Variants in PPARGC1B observed in about 807,000 individuals in gnomAD.
PPARGC1B encodes peroxisome proliferator-activated receptor gamma coactivator 1-beta.
In PPARGC1B, 34 loss-of-function variants were observed where a neutral mutation model predicts 101.6. The ratio of observed to expected loss-of-function variants is 0.33; its 90% CI spans 0.25 to 0.45. The LOEUF is 0.45. Ranked by LOEUF, PPARGC1B falls within the 20% of genes least tolerant of loss-of-function variation. The probability of loss-of-function intolerance (pLI) is 1.00; values close to 1 mark genes in which losing one functional copy is unlikely to be tolerated. For missense variants in PPARGC1B, 1,234 were observed against 1,317.6 expected (o/e 0.94, Z 0.98); for synonymous variants, 548 against 539.3 (o/e 1.02, Z -0.22).
rs141688134 is a variant in PPARGC1B, at chr5:149,773,487, A to G, written c.78+43067A>G. On this transcript the variant is annotated intron_variant, in intron 1 of 11. Coordinates refer to ENST00000309241, the MANE Select transcript of PPARGC1B (RefSeq NM_133263.4). ...GTGGGGCAAGGCAGCGTCTACTCTT[A>G]GGTGTGTCTCAGCCTGGCCCCTGCC... Among the ~76,000 whole-genome samples the G allele has an allele frequency of 1.6e-3, 245 of 152,292 alleles. 1 individual carries two copies. The highest frequency in any genetic ancestry group is 0.01 in the Middle Eastern group (3 of 294).
At chr5:149,786,831 A>G (rs1404787454) in intron 1 of PPARGC1B, among the ~76,000 whole-genome samples, 1 of 152,244 alleles carries the variant, frequency 6.6e-6, no homozygotes, top group Non-Finnish European at 1.5e-5. Flanking sequence ...CAACAGAAGT[A>G]GAATCCTCTC....
intron 1 of PPARGC1B, among the ~76,000 whole-genome samples, chr5:149,772,894 G>A (rs1363588013): frequency 2.0e-5 from 3 of 152,172 alleles, no homozygotes; most frequent in African/African-American, 7.2e-5. Flanking sequence ...ACCTTGTGAA[G>A]ATATTTGTGT....
At chr5:149,828,306 C>T (rs944148336) in intron 3 of PPARGC1B, among the ~76,000 whole-genome samples, 2 of 152,192 alleles carry the variant, frequency 1.3e-5, no homozygotes, top group Admixed American at 6.5e-5. Context: ...AGGTTTGAAT[C>T]CCAGCCCTGC....
intron 10 of PPARGC1B, 43 bp downstream of exon 10, chr5:149,842,420 G>A: frequency 6.3e-7 from 1 of 1,598,932 alleles, no homozygotes; most frequent in South Asian, 1.1e-5. Flanking sequence ...AGCAGAGAGG[G>A]GCACTGGTCC....
At chr5:149,742,083 G>A (rs902890694) in intron 1 of PPARGC1B, among the ~76,000 whole-genome samples, 2 of 152,162 alleles carry the variant, frequency 1.3e-5, no homozygotes, top group Admixed American at 6.5e-5. Flanking sequence ...AAGAGATCAG[G>A]CCCTGTGCCA....
At chr5:149,802,062 C>G (rs185599773) in intron 1 of PPARGC1B, among the ~76,000 whole-genome samples, 3 of 152,300 alleles carry the variant, frequency 2.0e-5, no homozygotes, top group Admixed American at 2.0e-4. Flanking sequence ...GTCCCTGACC[C>G]CCGAGCTCCT....
In PPARGC1B at chr5:149,820,339, G is replaced by A. The variant is rs185723112; in HGVS notation, c.79-94G>A. 1,736 of 1,245,044 alleles carry A rather than the reference G, an allele frequency of 1.4e-3. 2 individuals carry two copies. Among genetic ancestry groups the A allele is most frequent in the Non-Finnish European group, 1.7e-3 (1,514 of 887,432 alleles). 77.1% of individuals were successfully genotyped at this position (1,245,044 alleles called of 1,614,324 possible). Reference sequence around the variant, plus strand: ...TTTGGCAAAATCGGGCCTTGGCCACGGGTCCAGATTAGCTGCATCATTATT... The same window carrying A: ...TTTGGCAAAATCGGGCCTTGGCCACAGGTCCAGATTAGCTGCATCATTATT... On this transcript the variant is annotated intron_variant, in intron 1 of 11. Coordinates refer to ENST00000309241, the MANE Select transcript of PPARGC1B (RefSeq NM_133263.4).
chr5:149,775,051 C>G (rs1391312810), intron 1 of PPARGC1B, among the ~76,000 whole-genome samples: 8 of 152,134 alleles, frequency 5.3e-5, no homozygotes, highest in Non-Finnish European at 1.2e-4. Flanking sequence ...TCCCCCTTCT[C>G]CCTTTGGTGG....
chr5:149,841,874 T>A (rs1046311812), intron 9 of PPARGC1B, among the ~76,000 whole-genome samples: 5 of 152,062 alleles, frequency 3.3e-5, no homozygotes, highest in South Asian at 2.1e-4. Flanking sequence ...ACTCTCACAC[T>A]CACAATCAAC....
intron 1 of PPARGC1B, among the ~76,000 whole-genome samples, chr5:149,815,001 C>A (rs918931499): frequency 6.6e-5 from 10 of 152,218 alleles, no homozygotes; most frequent in Non-Finnish European, 1.5e-4. Flanking sequence ...GGGCCATTCC[C>A]AACCCTTGCC....
chr5:149,817,671 A>G, intron 1 of PPARGC1B: 1 of 454,132 alleles, frequency 2.2e-6, no homozygotes, highest in East Asian at 7.0e-5. Context: ...GGCTCATAGT[A>G]GCATTGAACA....
chr5:149,857,294 T>G (rs1333218946), downstream of PPARGC1B, among the ~76,000 whole-genome samples: 2 of 152,220 alleles, frequency 1.3e-5, no homozygotes, highest in Non-Finnish European at 2.9e-5. Flanking sequence ...TTCAGCTCAG[T>G]CTCATTTGGT....
intron 1 of PPARGC1B, among the ~76,000 whole-genome samples, chr5:149,790,181 C>T (rs1756964356): frequency 6.6e-6 from 1 of 152,106 alleles, no homozygotes; most frequent in Admixed American, 6.6e-5. Flanking sequence ...ACTAAATACT[C>T]AGTATGAGGG....
intron 1 of PPARGC1B, among the ~76,000 whole-genome samples, chr5:149,740,493 G>A (rs1404841750): frequency 6.6e-6 from 1 of 152,162 alleles, no homozygotes; most frequent in East Asian, 1.9e-4. Context: ...TACTTGTGGG[G>A]CAGGTGACGA....
At chr5:149,732,070 G>A (rs978568135) in intron 1 of PPARGC1B, among the ~76,000 whole-genome samples, 9 of 151,672 alleles carry the variant, frequency 5.9e-5, no homozygotes, top group Admixed American at 1.3e-4. Context: ...GTGTGTGTGT[G>A]TGTGTGTGCA....
At chr5:149,856,977 C>G (rs77507424), downstream of PPARGC1B, among the ~76,000 whole-genome samples, 13,193 of 151,922 alleles carry the variant, frequency 0.087, 630 homozygotes, top group African/African-American at 0.14. Context: ...CCACCATGTT[C>G]GCCAGACTGG....
At chr5:149,768,081 T>C (rs1755984546) in intron 1 of PPARGC1B, among the ~76,000 whole-genome samples, 1 of 151,562 alleles carries the variant, frequency 6.6e-6, no homozygotes, top group South Asian at 2.1e-4. Flanking sequence ...CGTAATCTTG[T>C]TTTGGTTGCT....
chr5:149,841,433 G>C (rs1160817198), intron 9 of PPARGC1B, among the ~76,000 whole-genome samples: 1 of 152,190 alleles, frequency 6.6e-6, no homozygotes, highest in Non-Finnish European at 1.5e-5. Flanking sequence ...AGTCCTGTTT[G>C]TGGACCCGCC....
At chr5:149,857,792 C>G (rs1255001467), downstream of PPARGC1B, among the ~76,000 whole-genome samples, 3 of 152,202 alleles carry the variant, frequency 2.0e-5, no homozygotes, top group African/African-American at 7.2e-5. Context: ...TGGCCCAGCC[C>G]CGTCTTCTCA....
Sources: allele counts gnomAD v4.1 joint callset (sites outside exome capture counted in the v4.1 genomes callset), GRCh38; gene constraint gnomAD v4.1.1; transcripts MANE v1.5; gene names NCBI Gene and HGNC (gene_info 2026-07-23, HGNC 2026-07-21).